EXOC1: variants seen among roughly 807,000 people sequenced by gnomAD.
EXOC1 encodes exocyst complex component 1, also known as SEC3-like 1.
Under a neutral mutation model 107.7 loss-of-function variants are expected in EXOC1, and 67 were observed. That is an observed-to-expected ratio of 0.62 (90% CI 0.51 to 0.76). The LOEUF is 0.76. Among genes scored for constraint, EXOC1 ranks in the 30% least tolerant of loss-of-function variants. The probability of loss-of-function intolerance (pLI) is 0.00; values close to 1 mark genes in which losing one functional copy is unlikely to be tolerated. For missense variants in EXOC1, 833 were observed against 1,055.7 expected (o/e 0.79, Z 2.92); for synonymous variants, 348 against 353.5 (o/e 0.98, Z 0.17).
chr4:55,892,299 G>A (rs1724652303), intron 13 of EXOC1, among the ~76,000 whole-genome samples: 1 of 151,826 alleles, frequency 6.6e-6, no homozygotes, highest in Non-Finnish European at 1.5e-5. Flanking sequence ...GTGTTTGGAC[G>A]TTTTCTATTT....
intron 17 of EXOC1, among the ~76,000 whole-genome samples, chr4:55,900,211 T>C (rs915513328): frequency 3.3e-5 from 5 of 152,144 alleles, no homozygotes; most frequent in Non-Finnish European, 7.4e-5. Flanking sequence ...ATGAAGAAAC[T>C]GAAAGTAAAA....
chr4:55,879,106 T>G (rs1295277021), intron 9 of EXOC1, among the ~76,000 whole-genome samples: 1 of 152,166 alleles, frequency 6.6e-6, no homozygotes, highest in Non-Finnish European at 1.5e-5. Context: ...AAGAGCAAAG[T>G]CATTTATTCA....
chr4:55,872,707 T>C (rs879347150), intron 8 of EXOC1: 3 of 695,664 alleles, frequency 4.3e-6, no homozygotes, highest in Admixed American at 6.3e-5. Context: ...ATTTTCACTT[T>C]GCAATATTCT....
chr4:55,859,695 C>T (rs908766651), intron 2 of EXOC1, among the ~76,000 whole-genome samples: 2 of 152,124 alleles, frequency 1.3e-5, no homozygotes, highest in African/African-American at 4.8e-5. Flanking sequence ...CTATACTTTA[C>T]AGTGTTAAGT....
chr4:55,861,799 A>C (rs1387561220), intron 3 of EXOC1, among the ~76,000 whole-genome samples: 1 of 152,246 alleles, frequency 6.6e-6, no homozygotes, highest in East Asian at 1.9e-4. Context: ...CACGCCTGTA[A>C]TCCTAACACT....
At chr4:55,886,437 C>T (rs1723881239) in intron 10 of EXOC1, among the ~76,000 whole-genome samples, 1 of 151,834 alleles carries the variant, frequency 6.6e-6, no homozygotes, top group African/African-American at 2.4e-5. Context: ...CCTGTGGTCC[C>T]ATCTACTCAG....
At position 55,904,581 on chromosome 4, in the gene EXOC1, AC is replaced by A; in HGVS notation, c.*89del. The A allele has an allele frequency of 6.7e-6, 9 of 1,343,586 alleles. No individual in the cohort carries two copies. The highest frequency in any genetic ancestry group is 1.7e-5 in the South Asian group (1 of 58,694). The allele number at this position is 1,343,586 out of a possible 1,614,324, so 83.2% of individuals were successfully genotyped here. A position where few individuals can be genotyped will look rare whatever the true frequency, so the allele number is the denominator to read the frequency against. ...AAAATACCAAGCAACTGTTTTGAGAACCCAGACTTAAAATTTTATGTATTAT... is the reference window on the plus strand; with the variant it reads ...AAAATACCAAGCAACTGTTTTGAGAACCAGACTTAAAATTTTATGTATTAT... On this transcript the variant is annotated 3_prime_UTR_variant, in exon 19 of 19. Transcript: ENST00000381295.
In EXOC1 at chr4:55,860,442, G is replaced by A. The variant is rs1490302612; in HGVS notation, c.156G>A (p.Val52=). The A allele has an allele frequency of 6.2e-7, 1 of 1,613,920 alleles. No individual in the cohort carries two copies. The highest frequency in any genetic ancestry group is 1.7e-5 in the Admixed American group (1 of 60,002). The change falls in exon 3 of 19, where the codon GTG becomes GTA. Residue 52 remains valine, a synonymous_variant. Transcript: ENST00000381295. ...VTTERPVQVK[V]VKVKKSDKGD... ...CTGAACGCCCTGTGCAGGTTAAGGT[G>A]GTCAAAGTCAAGAAATCCGATAAGG...
At chr4:55,870,538 G>A in intron 5 of EXOC1, 140 bp from the exon 6 acceptor site, 2 of 681,624 alleles carry the variant, frequency 2.9e-6, no homozygotes, top group Non-Finnish European at 5.1e-6. Context: ...TAGATGTGTA[G>A]GTATATATCA....
chr4:55,899,999 G>A, intron 17 of EXOC1, 115 bp downstream of exon 17: 2 of 810,848 alleles, frequency 2.5e-6, no homozygotes, highest in Non-Finnish European at 3.7e-6. Flanking sequence ...GTGCACAGGG[G>A]ACTCAGTTAT....
chr4:55,865,091 A>G (rs549368618), intron 4 of EXOC1, among the ~76,000 whole-genome samples: 1 of 152,336 alleles, frequency 6.6e-6, no homozygotes, highest in South Asian at 2.1e-4. Flanking sequence ...TAATATATGA[A>G]CATAGTAAGA....
intron 3 of EXOC1, among the ~76,000 whole-genome samples, chr4:55,861,158 T>C (rs1421668401): frequency 6.6e-6 from 1 of 152,136 alleles, no homozygotes; most frequent in Admixed American, 6.5e-5. Context: ...TACCCTTTTT[T>C]CAAAGCAATC....
intron 17 of EXOC1, among the ~76,000 whole-genome samples, chr4:55,901,105 T>C (rs1725847487): frequency 6.6e-6 from 1 of 152,166 alleles, no homozygotes; most frequent in South Asian, 2.1e-4. Flanking sequence ...TATTGTTAGA[T>C]CCTTTATTAT....
chr4:55,877,856 T>A (rs1157205534), intron 8 of EXOC1, 61 bp from the exon 9 acceptor site: 2 of 1,594,886 alleles, frequency 1.3e-6, no homozygotes, highest in African/African-American at 2.7e-5. Context: ...GTTTAGACTT[T>A]TTATTGTAAC....
At chr4:55,876,543 C>T in intron 8 of EXOC1, 1 of 964,386 alleles carries the variant, frequency 1.0e-6, no homozygotes, top group Non-Finnish European at 1.2e-6. Context: ...TCTGAGTTTT[C>T]AGAGCTTTTT....
At chr4:55,894,767 C>T (rs1315107529) in intron 15 of EXOC1, among the ~76,000 whole-genome samples, 1 of 151,926 alleles carries the variant, frequency 6.6e-6, no homozygotes, top group African/African-American at 2.4e-5. Flanking sequence ...GGATTGCAGG[C>T]ATGCGCCACC....
chr4:55,871,080 G>A, intron 6 of EXOC1, 21 bp from the exon 7 acceptor site: 1 of 1,609,268 alleles, frequency 6.2e-7, no homozygotes, highest in Non-Finnish European at 8.5e-7. Flanking sequence ...CATGCAAATG[G>A]TGTGTTTGCA....
intron 4 of EXOC1, among the ~76,000 whole-genome samples, chr4:55,867,659 T>C (rs575706173): frequency 3.2e-4 from 48 of 152,308 alleles, no homozygotes; most frequent in African/African-American, 1.2e-3. Context: ...GTTTAACTTT[T>C]TATAATTTCA....
chr4:55,896,572 C>A, intron 15 of EXOC1, 145 bp from the exon 16 acceptor site: 1 of 522,462 alleles, frequency 1.9e-6, no homozygotes, highest in Non-Finnish European at 3.1e-6. Flanking sequence ...AGTAAGCATC[C>A]AAAGTGTTCT....
Sources: gnomAD v4.1 joint callset for allele counts (sites outside exome capture counted in the v4.1 genomes callset) on GRCh38, gnomAD v4.1.1 for gene constraint, MANE v1.5 for transcripts, NCBI Gene and HGNC (gene_info 2026-07-23, HGNC 2026-07-21) for gene names.